Variants in ZFHX3 observed in about 807,000 individuals in gnomAD.
ZFHX3 encodes zinc finger homeobox 3.
In ZFHX3, 42 loss-of-function variants were observed where a neutral mutation model predicts 279.1. The ratio of observed to expected loss-of-function variants is 0.15; its 90% CI spans 0.12 to 0.19. ZFHX3 has a LOEUF of 0.19. Among genes scored for constraint, ZFHX3 ranks in the 10% least tolerant of loss-of-function variants. The probability of loss-of-function intolerance (pLI) is 1.00; values close to 1 mark genes in which losing one functional copy is unlikely to be tolerated. For synonymous variants in ZFHX3, 2,293 were observed against 1,957.8 expected (o/e 1.17, Z -4.52); for missense variants, 4,981 against 4,754.0 (o/e 1.05, Z -1.40).
chr16:73,084,281 C>G (rs987985053), intron 8 of ZFHX3, among the ~76,000 whole-genome samples: 8 of 152,122 alleles, frequency 5.3e-5, no homozygotes, highest in African/African-American at 1.9e-4. Flanking sequence ...TGCATCCAAA[C>G]TGGAAAGGAA....
At chr16:72,821,291 T>C (rs2036784601) in intron 5 of ZFHX3, among the ~76,000 whole-genome samples, 1 of 152,094 alleles carries the variant, frequency 6.6e-6, no homozygotes, top group African/African-American at 2.4e-5. Context: ...GGCTGGAAAA[T>C]GGGAATGATT....
chr16:73,208,858 C>CT (rs1441799439), intron 5 of ZFHX3, among the ~76,000 whole-genome samples: 1 of 152,148 alleles, frequency 6.6e-6, no homozygotes, highest in African/African-American at 2.4e-5. Flanking sequence ...CAGTGAAAGT[C>CT]TTTTTATCAG....
At chr16:73,755,006 C>A (rs2142274380) in intron 1 of ZFHX3, among the ~76,000 whole-genome samples, 1 of 152,264 alleles carries the variant, frequency 6.6e-6, no homozygotes, top group Non-Finnish European at 1.5e-5. Flanking sequence ...CTTCAAAGCA[C>A]CCTCCTTACA....
chr16:72,876,441 G>A (rs72795106), intron 4 of ZFHX3, among the ~76,000 whole-genome samples: 2,749 of 152,170 alleles, frequency 0.018, 32 homozygotes, highest in Middle Eastern at 0.044. Flanking sequence ...CGCAGTCACC[G>A]CCTTCCCCAG....
chr16:73,308,329 G>T (rs2015242324), intron 4 of ZFHX3, among the ~76,000 whole-genome samples: 1 of 148,862 alleles, frequency 6.7e-6, no homozygotes, highest in Admixed American at 6.8e-5. Flanking sequence ...CCAGGCTGGA[G>T]TGCAATGGCG....
At chr16:73,715,193 C>T (rs2053402399) in intron 1 of ZFHX3, among the ~76,000 whole-genome samples, 2 of 152,104 alleles carry the variant, frequency 1.3e-5, no homozygotes, top group Non-Finnish European at 2.9e-5. Context: ...CCATCACGTG[C>T]CTGCTTGACC....
intron 1 of ZFHX3, among the ~76,000 whole-genome samples, chr16:73,010,539 C>T (rs1212938611): frequency 2.6e-5 from 4 of 152,178 alleles, no homozygotes; most frequent in Non-Finnish European, 5.9e-5. Flanking sequence ...TCAGAGAGCC[C>T]GGCACACAGC....
At chr16:73,115,728 T>C (rs1216847997) in intron 7 of ZFHX3, among the ~76,000 whole-genome samples, 1 of 152,204 alleles carries the variant, frequency 6.6e-6, no homozygotes, top group Non-Finnish European at 1.5e-5. Flanking sequence ...ATAGACAGTT[T>C]CACAGATGAG....
intron 4 of ZFHX3, among the ~76,000 whole-genome samples, chr16:72,876,740 T>A (rs1283140360): frequency 6.6e-6 from 1 of 152,118 alleles, no homozygotes; most frequent in African/African-American, 2.4e-5. Context: ...GCTTTTCAAT[T>A]TTTTTCCCCC....
chr16:73,472,220 G>A (rs374289776), intron 2 of ZFHX3, among the ~76,000 whole-genome samples: 6 of 149,094 alleles, frequency 4.0e-5, no homozygotes, highest in Middle Eastern at 3.4e-3. Context: ...CCTGGAACAT[G>A]AGCCCATGTT....
At chr16:72,792,569 A>G (rs1265173265) in intron 9 of ZFHX3, among the ~76,000 whole-genome samples, 1 of 152,088 alleles carries the variant, frequency 6.6e-6, no homozygotes, top group East Asian at 1.9e-4. Context: ...CTCCTGCCTC[A>G]GCCTCCCGAA....
upstream of ZFHX3, among the ~76,000 whole-genome samples, chr16:73,049,710 G>A (rs1965414251): frequency 6.6e-6 from 1 of 152,192 alleles, no homozygotes; most frequent in South Asian, 2.1e-4. Flanking sequence ...AGAGCACGGG[G>A]GCCGGGTGGG....
intron 1 of ZFHX3, among the ~76,000 whole-genome samples, chr16:73,750,939 T>C (rs2053756919): frequency 6.6e-6 from 1 of 152,212 alleles, no homozygotes; most frequent in Non-Finnish European, 1.5e-5. Flanking sequence ...GATAACCATC[T>C]ACTGAGCATA....
intron 3 of ZFHX3, among the ~76,000 whole-genome samples, chr16:73,321,350 A>G (rs573781545): frequency 4.1e-4 from 62 of 152,272 alleles, no homozygotes; most frequent in Middle Eastern, 3.4e-3. Context: ...TCTGAGCCCC[A>G]GTTTTCTGAC....
chr16:72,815,711 C>G (rs889806762), intron 5 of ZFHX3, among the ~76,000 whole-genome samples: 3 of 152,190 alleles, frequency 2.0e-5, no homozygotes, highest in Admixed American at 1.3e-4. Flanking sequence ...AAATCAATTA[C>G]TGGTCACTTT....
intron 1 of ZFHX3, among the ~76,000 whole-genome samples, chr16:73,681,679 C>A (rs916701446): frequency 2.0e-5 from 3 of 152,262 alleles, no homozygotes; most frequent in African/African-American, 7.2e-5. Flanking sequence ...AAGACAGGCA[C>A]CTGATCCTGT....
At chr16:72,846,544 T>C (rs2037485091) in intron 4 of ZFHX3, among the ~76,000 whole-genome samples, 1 of 152,220 alleles carries the variant, frequency 6.6e-6, no homozygotes, top group Non-Finnish European at 1.5e-5. Context: ...CCTCTTCCTC[T>C]GGGCACATAT....
At chr16:72,996,447 G>A (rs745550640) in intron 1 of ZFHX3, among the ~76,000 whole-genome samples, 4 of 152,202 alleles carry the variant, frequency 2.6e-5, no homozygotes, top group Non-Finnish European at 4.4e-5. Context: ...CAGAGCCAGA[G>A]CACCAAGCAG....
In ZFHX3 at chr16:72,889,845, G is replaced by A. The variant is rs1490149613; in HGVS notation, c.3334C>T (p.His1112Tyr). 1 of 1,614,120 alleles carries A rather than the reference G, an allele frequency of 6.2e-7. No individual in the cohort carries two copies. Among genetic ancestry groups the A allele is most frequent in the Admixed American group, 1.7e-5 (1 of 60,034 alleles). Reference protein sequence around the residue: ...NLIQHVRSMKHQRSESLRKLQ... With the variant: ...NLIQHVRSMKYQRSESLRKLQ... ...TTTCGCAGGCTCTCGCTTCGCTGGTGCTTCATGGAGCGCACATGCTGGATG... is the reference window on the plus strand; with the variant it reads ...TTTCGCAGGCTCTCGCTTCGCTGGTACTTCATGGAGCGCACATGCTGGATG... Residue 1112 changes from histidine to tyrosine, a missense_variant, in exon 4 of 10, where the codon CAC becomes TAC. By Grantham distance (83) the His-to-Tyr change is moderately conservative. This residue lies in a region of ZFHX3 where 1,751 missense variants were observed against 1,770.0 expected (regional missense o/e 0.99). Coordinates refer to ENST00000268489, the MANE Select transcript of ZFHX3 (RefSeq NM_006885.4).
Sources: allele counts gnomAD v4.1 joint callset (sites outside exome capture counted in the v4.1 genomes callset), GRCh38; gene constraint gnomAD v4.1.1; regional missense constraint gnomAD v4.1.1; transcripts MANE v1.5; gene names NCBI Gene and HGNC (gene_info 2026-07-23, HGNC 2026-07-21).